CRPPA: variants seen among roughly 807,000 people sequenced by gnomAD.
CRPPA encodes CDP-L-ribitol pyrophosphorylase A.
A neutral mutation model predicts 52.0 loss-of-function variants in CRPPA; 43 were observed. That is an observed-to-expected ratio of 0.83 (90% CI 0.65 to 1.07). The LOEUF is 1.07. Among genes scored for constraint, CRPPA ranks in the 50% least tolerant of loss-of-function variants. CRPPA has a pLI of 0.00. For missense variants in CRPPA, 629 were observed against 551.7 expected (o/e 1.14, Z -1.40); for synonymous variants, 250 against 203.5 (o/e 1.23, Z -1.94).
chr7:16,420,139 T>C (rs1788291288), intron 1 of CRPPA, among the ~76,000 whole-genome samples: 1 of 152,080 alleles, frequency 6.6e-6, no homozygotes, highest in African/African-American at 2.4e-5. Context: ...ACTAGCTTGG[T>C]TTTCAAAACC....
chr7:16,223,213 G>C (rs1384433419), intron 8 of CRPPA, among the ~76,000 whole-genome samples: 1 of 152,140 alleles, frequency 6.6e-6, no homozygotes, highest in East Asian at 1.9e-4. Context: ...AAGGAACAAT[G>C]CCGCTGCTTA....
At chr7:16,096,777 T>A (rs1049436595) in intron 9 of CRPPA, among the ~76,000 whole-genome samples, 3 of 152,080 alleles carry the variant, frequency 2.0e-5, no homozygotes, top group Non-Finnish European at 2.9e-5. Context: ...AACTATATTA[T>A]AGCAAAAATA....
chr7:16,269,522 T>A (rs768611084), intron 6 of CRPPA: 2 of 152,160 alleles, frequency 1.3e-5, no homozygotes, highest in Non-Finnish European at 2.9e-5. Context: ...TCAAGCTGTA[T>A]AGACTTTTTT....
chr7:16,195,801 T>C (rs1041313366), intron 9 of CRPPA, among the ~76,000 whole-genome samples: 1 of 152,138 alleles, frequency 6.6e-6, no homozygotes, highest in Non-Finnish European at 1.5e-5. Flanking sequence ...GTCCATTTCT[T>C]GCTCTGCACT....
At chr7:16,318,339 A>G (rs1785190776) in intron 3 of CRPPA, among the ~76,000 whole-genome samples, 1 of 152,142 alleles carries the variant, frequency 6.6e-6, no homozygotes. Flanking sequence ...TGCTTTTATC[A>G]GTCACACATG....
At chr7:16,185,679 A>G (rs564000455) in intron 9 of CRPPA, among the ~76,000 whole-genome samples, 1 of 152,200 alleles carries the variant, frequency 6.6e-6, no homozygotes, top group Non-Finnish European at 1.5e-5. Context: ...CACTTGAAAT[A>G]TGTATTTTAT....
chr7:16,360,306 C>T (rs943183179), intron 3 of CRPPA, among the ~76,000 whole-genome samples: 2 of 152,036 alleles, frequency 1.3e-5, no homozygotes, highest in African/African-American at 2.4e-5. Context: ...CATTAAACAT[C>T]CATTAGATTT....
At chr7:16,190,536 A>G (rs1781587664) in intron 9 of CRPPA, among the ~76,000 whole-genome samples, 1 of 152,186 alleles carries the variant, frequency 6.6e-6, no homozygotes, top group Non-Finnish European at 1.5e-5. Context: ...CACAGGTCTG[A>G]TTATGCTATT....
At chr7:16,097,011 T>G (rs746269791) in intron 9 of CRPPA, among the ~76,000 whole-genome samples, 7 of 152,202 alleles carry the variant, frequency 4.6e-5, no homozygotes, top group Non-Finnish European at 1.0e-4. Flanking sequence ...GTTTTAAGAC[T>G]GTTAAATTCA....
At chr7:16,218,126 G>A (rs897164786) in intron 8 of CRPPA, among the ~76,000 whole-genome samples, 8 of 151,944 alleles carry the variant, frequency 5.3e-5, no homozygotes, top group Non-Finnish European at 1.0e-4. Flanking sequence ...AAGACAGTGG[G>A]GGCCAATATT....
At chr7:16,362,111 C>T (rs1355018545) in intron 3 of CRPPA, among the ~76,000 whole-genome samples, 3 of 152,208 alleles carry the variant, frequency 2.0e-5, no homozygotes, top group Non-Finnish European at 4.4e-5. Context: ...GCCTCAGCCT[C>T]CCAAAGTGCT....
chr7:16,350,872 G>T (rs957276434), intron 3 of CRPPA, among the ~76,000 whole-genome samples: 1 of 152,102 alleles, frequency 6.6e-6, no homozygotes, highest in South Asian at 2.1e-4. Flanking sequence ...TCATCTTAAA[G>T]AACACTCAGA....
intron 9 of CRPPA, among the ~76,000 whole-genome samples, chr7:16,126,300 A>G (rs906430577): frequency 5.9e-5 from 9 of 152,224 alleles, no homozygotes; most frequent in South Asian, 2.1e-4. Flanking sequence ...GAGAAATACC[A>G]GTGTCTTAGG....
intron 3 of CRPPA, among the ~76,000 whole-genome samples, chr7:16,354,012 C>A (rs1018283544): frequency 2.0e-5 from 3 of 151,842 alleles, no homozygotes; most frequent in Non-Finnish European, 2.9e-5. Flanking sequence ...AATAACCAAA[C>A]TTATAAAAGG....
chr7:16,327,783 G>A (rs573847038), intron 3 of CRPPA, among the ~76,000 whole-genome samples: 13 of 152,118 alleles, frequency 8.5e-5, no homozygotes, highest in African/African-American at 3.1e-4. Flanking sequence ...TATCAATATA[G>A]GCACTGAAGG....
chr7:16,383,374 C>T (rs1401502542), intron 2 of CRPPA, among the ~76,000 whole-genome samples: 5 of 152,168 alleles, frequency 3.3e-5, no homozygotes, highest in Non-Finnish European at 4.4e-5. Flanking sequence ...GAGGAGTACC[C>T]GGCCGTGTGA....
At chr7:16,248,265 A>C (rs1039224284) in intron 8 of CRPPA, among the ~76,000 whole-genome samples, 1 of 152,146 alleles carries the variant, frequency 6.6e-6, no homozygotes, top group Admixed American at 6.5e-5. Flanking sequence ...CTTGAGCCCA[A>C]AAGGCTGAGT....
intron 3 of CRPPA, among the ~76,000 whole-genome samples, chr7:16,333,916 T>C (rs1214037519): frequency 6.6e-6 from 1 of 152,192 alleles, no homozygotes; most frequent in African/African-American, 2.4e-5. Context: ...CTGGGCACGA[T>C]GGTTTCTATG....
chr7:16,379,236 T>A (rs1177180675), intron 2 of CRPPA, among the ~76,000 whole-genome samples: 1 of 152,210 alleles, frequency 6.6e-6, no homozygotes, highest in Non-Finnish European at 1.5e-5. Flanking sequence ...TTTTTATGGT[T>A]TTAGGTCTAA....
Sources: gnomAD v4.1 joint callset for allele counts (sites outside exome capture counted in the v4.1 genomes callset) on GRCh38, gnomAD v4.1.1 for gene constraint, MANE v1.5 for transcripts, NCBI Gene and HGNC (gene_info 2026-07-23, HGNC 2026-07-21) for gene names.